The following UGT1A5 variants were observed in gnomAD, a reference collection of about 807,000 sequenced individuals.
The protein encoded by UGT1A5 is UDP-glucuronosyltransferase 1A5.
Under a neutral mutation model 40.3 loss-of-function variants are expected in UGT1A5, and 29 were observed. That is an observed-to-expected ratio of 0.72 (90% CI 0.54 to 0.98). UGT1A5 has a LOEUF of 0.98. Among genes scored for constraint, UGT1A5 ranks in the 50% least tolerant of loss-of-function variants. UGT1A5 has a pLI of 0.00. For missense variants in UGT1A5, 678 were observed against 677.9 expected (o/e 1.00, Z 0.00); for synonymous variants, 257 against 262.5 (o/e 0.98, Z 0.20).
chr2:233,756,450 A>G (rs1426774092), intron 1 of UGT1A5: 1 of 152,082 alleles, frequency 6.6e-6, no homozygotes. Flanking sequence ...TTCCCCCCAA[A>G]TATTTTCAAT....
In UGT1A5 at chr2:233,763,074, C is replaced by T. The variant is rs112277298; in HGVS notation, c.868-3960C>T. On this transcript the variant is annotated intron_variant, in intron 1 of 4. Coordinates refer to ENST00000373414, the MANE Select transcript of UGT1A5 (RefSeq NM_019078.2). ...TTGATTTAGATAATTTCCTTCTTTGCGTGAGGATGTTTGTAGGAGAGGCAC... is the reference window on the plus strand; with the variant it reads ...TTGATTTAGATAATTTCCTTCTTTGTGTGAGGATGTTTGTAGGAGAGGCAC... Among the ~76,000 whole-genome samples, 590 of 152,258 alleles carry T rather than the reference C, an allele frequency of 3.9e-3. 2 individuals are homozygous for T. Among genetic ancestry groups the T allele is most frequent in the Admixed American group, 5.9e-3 (90 of 15,292 alleles).
intron 1 of UGT1A5, among the ~76,000 whole-genome samples, chr2:233,749,653 G>T (rs1694241075): frequency 1.3e-5 from 2 of 151,820 alleles, no homozygotes; most frequent in Admixed American, 6.5e-5. Context: ...ATCTTGAATT[G>T]TAATCCCCAT....
intron 1 of UGT1A5, among the ~76,000 whole-genome samples, chr2:233,733,426 T>C (rs1228976842): frequency 1.3e-5 from 2 of 152,226 alleles, no homozygotes; most frequent in African/African-American, 4.8e-5. Context: ...GCCTACTCAG[T>C]ATGATATTGG....
Position 233,713,679 on chromosome 2 carries a change from C to G in UGT1A5, c.688C>G (p.Pro230Ala). The change falls in exon 1 of 5, where the codon CCT (proline) becomes GCT (alanine). Residue 230 changes from proline (P) to alanine (A), a missense_variant. Coordinates refer to ENST00000373414, the MANE Select transcript of UGT1A5 (RefSeq NM_019078.2). ...CTACCTTTGCCATGCTGTTTCTGCTCCTTATGCAAGCCTTGCCTCTGAGCT... is the reference window on the plus strand; with the variant it reads ...CTACCTTTGCCATGCTGTTTCTGCTGCTTATGCAAGCCTTGCCTCTGAGCT... The part of the protein sequence containing the change: ...LSYLCHAVSA[P>A]YASLASELFQ... 1 of 1,613,972 alleles carries G rather than the reference C, an allele frequency of 6.2e-7. No individual in the cohort carries two copies. Among genetic ancestry groups the G allele is most frequent in the Non-Finnish European group, 8.5e-7 (1 of 1,179,876 alleles).
At chr2:233,728,762 C>T (rs886147418) in intron 1 of UGT1A5, among the ~76,000 whole-genome samples, 1 of 152,142 alleles carries the variant, frequency 6.6e-6, no homozygotes, top group African/African-American at 2.4e-5. Flanking sequence ...CTCCTCAGAC[C>T]TCAGCTGCTG....
chr2:233,717,084 A>G (rs1344927220), intron 1 of UGT1A5, among the ~76,000 whole-genome samples: 1 of 152,206 alleles, frequency 6.6e-6, no homozygotes, highest in Non-Finnish European at 1.5e-5. Context: ...ACCAGAAATC[A>G]GATGACATCA....
intron 1 of UGT1A5, among the ~76,000 whole-genome samples, chr2:233,731,847 G>C (rs1360054279): frequency 1.3e-4 from 20 of 152,190 alleles, no homozygotes; most frequent in Non-Finnish European, 7.3e-5. Flanking sequence ...CTAGGTCCTT[G>C]AGGAATCGCC....
chr2:233,749,951 T>C (rs566356604), intron 1 of UGT1A5, among the ~76,000 whole-genome samples: 1 of 151,998 alleles, frequency 6.6e-6, no homozygotes, highest in South Asian at 2.1e-4. Context: ...AATTACCGAG[T>C]CTTGGGTATG....
chr2:233,762,970 T>A (rs916138811), intron 1 of UGT1A5, among the ~76,000 whole-genome samples: 1 of 152,240 alleles, frequency 6.6e-6, no homozygotes, highest in South Asian at 2.1e-4. Context: ...GATGCCCGTC[T>A]TGCTGCTATT....
rs1422207500 is a variant in UGT1A5 at position 233,757,556 on chromosome 2, ATATATG to A, written c.868-9472_868-9467del. ...AAGGAATATATATATATATATATATATATATGTATATATGATATAGCTATAGTCTAA... is the reference window on the plus strand; with the variant it reads ...AAGGAATATATATATATATATATATATATATATGATATAGCTATAGTCTAA... On this transcript the variant is annotated intron_variant, in intron 1 of 4. Coordinates refer to ENST00000373414, the MANE Select transcript of UGT1A5 (RefSeq NM_019078.2). Among the ~76,000 whole-genome samples, 673 of 125,374 alleles carry A rather than the reference ATATATG, an allele frequency of 5.4e-3. 74 individuals carry two copies. The highest frequency in any genetic ancestry group is 0.02 in the African/African-American group (631 of 31,024). The allele number at this position is 125,374 out of a possible 152,430, so 82.3% of individuals were successfully genotyped here.
rs542225006 is a variant in UGT1A5 at position 233,769,560 on chromosome 2, G to A, written c.1307+1121G>A. 3.2e-5 allele frequency: 51 copies of A among 1,612,868 alleles called. No individual in the cohort carries two copies. The African/African-American group carries it at 6.7e-4, about 21-fold the overall frequency. The stretch of plus-strand genomic sequence containing the variant: ...AAGCAGCAGTCAGGAAGACAGATGT[G>A]AAGAGCTGGAGCATGTTCAGATGAG... On this transcript the variant is annotated intron_variant, in intron 4 of 4. Transcript: ENST00000373414. The surrounding 1 kb of genome is among the most constrained non-coding windows in gnomAD (Gnocchi z 4.4).
At chr2:233,722,896 G>A (rs1455405356) in intron 1 of UGT1A5, among the ~76,000 whole-genome samples, 3 of 126,364 alleles carry the variant, frequency 2.4e-5, no homozygotes, top group Admixed American at 8.2e-5. Flanking sequence ...TTAAGTGGAA[G>A]TGGATCATCA....
At chr2:233,719,559 G>A (rs2076780639) in intron 1 of UGT1A5, 2 of 1,613,878 alleles carry the variant, frequency 1.2e-6, no homozygotes, top group Non-Finnish European at 1.7e-6. Flanking sequence ...GTCAGTGGTG[G>A]ATCTTGTCAG....
At chr2:233,747,652 A>G in intron 1 of UGT1A5, 1 of 1,589,470 alleles carries the variant, frequency 6.3e-7, no homozygotes, top group East Asian at 2.2e-5. Flanking sequence ...ACTTCCTTCG[A>G]TGTGGTTTTA....
intron 1 of UGT1A5, chr2:233,760,446 G>T (rs149071335): frequency 6.2e-7 from 1 of 1,614,210 alleles, no homozygotes; most frequent in Non-Finnish European, 8.5e-7. Flanking sequence ...TGCAGCAGAG[G>T]GGACATGAAA....
At chr2:233,718,298 C>T (rs563376367) in intron 1 of UGT1A5, among the ~76,000 whole-genome samples, 1 of 152,358 alleles carries the variant, frequency 6.6e-6, no homozygotes, top group South Asian at 2.1e-4. Flanking sequence ...CCAGCCTGAA[C>T]ACTCTCTGTT....
intron 1 of UGT1A5, chr2:233,742,608 G>A (rs540595235): frequency 6.6e-6 from 1 of 152,040 alleles, no homozygotes; most frequent in South Asian, 2.1e-4. Context: ...CATAGTTGGA[G>A]AACCACGTTC....
rs1133495 is a variant in UGT1A5 at position 233,754,558 on chromosome 2, G to C, written c.868-12476G>C. On this transcript the variant is annotated intron_variant, in intron 1 of 4. Transcript: ENST00000373414. The stretch of plus-strand genomic sequence containing the variant: ...GGACTGGAATTACTTGGTGTCAATG[G>C]GGAGCAACTGCTCTATGCCGTTTAT... The C allele has an allele frequency of 1.8e-5, 7 of 391,006 alleles. No homozygotes were observed. In the East Asian group the frequency reaches 2.9e-4, roughly 16 times the overall value. The allele number at this position is 391,006 out of a possible 1,614,324, so 24.2% of individuals were successfully genotyped here. A position where few individuals can be genotyped will look rare whatever the true frequency, so the allele number is the denominator to read the frequency against.
intron 1 of UGT1A5, chr2:233,729,551 A>G (rs749535297): frequency 1.9e-6 from 3 of 1,614,038 alleles, no homozygotes; most frequent in Non-Finnish European, 2.5e-6. Flanking sequence ...AGGCACCTGA[A>G]TGCTACTTCC....
Sources: gnomAD v4.1 joint callset for allele counts (sites outside exome capture counted in the v4.1 genomes callset) on GRCh38, gnomAD v4.1.1 for gene constraint, Gnocchi (gnomAD v3.1) non-coding constraint, MANE v1.5 for transcripts, NCBI Gene and HGNC (gene_info 2026-07-23, HGNC 2026-07-21) for gene names.